UNC13B: variants seen among roughly 807,000 people sequenced by gnomAD.
UNC13B encodes protein unc-13 homolog B.
UNC13B carries 144 observed loss-of-function variants against 211.0 expected under a neutral mutation model. The ratio of observed to expected loss-of-function variants is 0.68; its 90% CI spans 0.60 to 0.78. The LOEUF is 0.78. UNC13B is among the 30% of genes least tolerant of loss of function. The pLI is 0.00. For missense variants in UNC13B, 1,777 were observed against 2,002.0 expected, an observed-to-expected ratio of 0.89 and a Z score of 2.14; for synonymous variants, 709 against 725.8, an observed-to-expected ratio of 0.98 and a Z score of 0.37.
intron 5 of UNC13B, among the ~76,000 whole-genome samples, chr9:35,240,145 A>G (rs1825728429): frequency 6.6e-6 from 1 of 152,164 alleles, no homozygotes; most frequent in South Asian, 2.1e-4. Flanking sequence ...AAAAGTATTA[A>G]TTTGGGGAAC....
chr9:35,234,116 T>G (rs1276329737), intron 3 of UNC13B, among the ~76,000 whole-genome samples: 2 of 152,166 alleles, frequency 1.3e-5, no homozygotes, highest in Non-Finnish European at 2.9e-5. Flanking sequence ...AGCAAATTTC[T>G]TTTTTTCTTT....
chr9:35,306,320 T>C lies in UNC13B; in HGVS notation c.6916T>C (p.Cys2306Arg), dbSNP rs1829921782. ...AGATGAGCTCAGTGTAGACAAGGAC[T>C]GTCAGGAAAAACTGAGTTCCAATAT... ...LADELSVDKD[C>R]QEKLSSNIVP... The change falls in exon 9 of 40, where the codon TGT (cysteine) becomes CGT (arginine). Residue 2306 changes from cysteine (C) to arginine (R), a missense_variant. Physicochemically the swap from Cys to Arg is radical, Grantham distance 180. Transcript: ENST00000635942. 1 of 398,872 alleles carries C rather than the reference T, an allele frequency of 2.5e-6. No homozygotes were observed. 24.7% of individuals were successfully genotyped at this position (398,872 alleles called of 1,614,324 possible). A position where few individuals can be genotyped will look rare whatever the true frequency, so the allele number is the denominator to read the frequency against.
chr9:35,232,074 A>T (rs1028619810), intron 3 of UNC13B, among the ~76,000 whole-genome samples: 12 of 151,456 alleles, frequency 7.9e-5, no homozygotes, highest in Admixed American at 2.0e-4. Flanking sequence ...ACTGAACTGA[A>T]ATCGATTTGC....
At chr9:35,177,767 G>A (rs1459524988) in intron 1 of UNC13B, among the ~76,000 whole-genome samples, 1 of 152,148 alleles carries the variant, frequency 6.6e-6, no homozygotes, top group East Asian at 1.9e-4. Flanking sequence ...AAGAAATTGA[G>A]GGCAAAGAAA....
At chr9:35,254,613 A>AT (rs570176029) in intron 6 of UNC13B, among the ~76,000 whole-genome samples, 56 of 151,792 alleles carry the variant, frequency 3.7e-4, no homozygotes, top group Middle Eastern at 6.9e-3. Context: ...CTTTTGTTAG[A>AT]TTTTTTTCCC....
chr9:35,396,482 A>G lies in UNC13B; in HGVS notation c.11315A>G (p.Glu3772Gly). ...CCTTTCTCCCTACCACTAGAGCATG[A>G]GAAAGACCACCTGTGTAAAAGTGCT... Reference protein sequence around the residue: ...QDMKYALEEHEKDHLCKSADY... With the variant: ...QDMKYALEEHGKDHLCKSADY... The change falls in exon 27 of 40, where the codon GAG becomes GGG. Residue 3772 changes from glutamate to glycine, a missense_variant. Glu to Gly is a moderately conservative substitution (Grantham distance 98, BLOSUM62 -2). Transcript: ENST00000635942. 1.2e-6 allele frequency: 2 copies of G among 1,614,126 alleles called. No individual in the cohort carries two copies. Among genetic ancestry groups the G allele is most frequent in the Non-Finnish European group, 1.7e-6 (2 of 1,180,030 alleles).
In UNC13B at chr9:35,398,634, T is replaced by C; in HGVS notation, c.11913T>C (p.Phe3971=). The change falls in exon 32 of 40, where the codon TTT becomes TTC. Residue 3971 remains phenylalanine, a synonymous_variant. Coordinates refer to ENST00000635942, the MANE Select transcript of UNC13B (RefSeq NM_001371189.2). The part of the protein sequence containing the change: ...NTVLDELSMV[F]GNSFQVRIDE... Reference sequence around the variant, plus strand: ...TTCTGGATGAGCTCAGCATGGTGTTTGGAAACAGGTCAGTGACCCCACAAT... The same window carrying C: ...TTCTGGATGAGCTCAGCATGGTGTTCGGAAACAGGTCAGTGACCCCACAAT... 9 of 1,613,928 alleles carry C rather than the reference T, an allele frequency of 5.6e-6. No homozygotes were observed. The highest frequency in any genetic ancestry group is 7.6e-6 in the Non-Finnish European group (9 of 1,180,002).
At chr9:35,204,181 T>C (rs913883688) in intron 1 of UNC13B, among the ~76,000 whole-genome samples, 6 of 152,220 alleles carry the variant, frequency 3.9e-5, no homozygotes, top group African/African-American at 1.4e-4. Flanking sequence ...GTTAAGCCTG[T>C]GGATGCACAG....
intron 11 of UNC13B, among the ~76,000 whole-genome samples, chr9:35,321,809 A>C (rs905972861): frequency 6.6e-6 from 1 of 151,950 alleles, no homozygotes; most frequent in African/African-American, 2.4e-5. Context: ...CTTCAGGGGT[A>C]TATATATATT....
intron 11 of UNC13B, among the ~76,000 whole-genome samples, chr9:35,358,524 C>T (rs1278246945): frequency 1.3e-5 from 2 of 152,036 alleles, no homozygotes; most frequent in Non-Finnish European, 2.9e-5. Flanking sequence ...AAGTAGAGCA[C>T]AAAAGTTTTA....
chr9:35,310,915 CTG>C, intron 10 of UNC13B, 134 bp downstream of exon 10: 1 of 763,760 alleles, frequency 1.3e-6, no homozygotes, highest in East Asian at 2.7e-5. Context: ...AGGCTCAACT[CTG>C]TATTGCTTCC....
At chr9:35,364,643 GTGTA>G in intron 11 of UNC13B, 2 of 1,442,450 alleles carry the variant, frequency 1.4e-6, no homozygotes, top group Non-Finnish European at 1.9e-6. Context: ...GTATGTGTGT[GTGTA>G]TGTGTGTGTG....
chr9:35,365,522 C>G (rs1006827688), intron 11 of UNC13B, among the ~76,000 whole-genome samples: 1 of 152,296 alleles, frequency 6.6e-6, no homozygotes, highest in East Asian at 1.9e-4. Flanking sequence ...AGTACGGTGG[C>G]TATTTCCAGA....
At position 35,381,577 on chromosome 9, in the gene UNC13B, G is replaced by T. The variant is rs968615917; in HGVS notation, c.10513G>T (p.Asp3505Tyr). The part of the protein sequence containing the change: ...LHENLFHYLT[D>Y]IQGSGGVRIP... The stretch of plus-strand genomic sequence containing the variant: ...GCAGAATCTTTTCCATTACCTCACA[G>T]ACATTCAGGGCAGTGGAGGAGTCCG... Residue 3505 changes from aspartate to tyrosine, a missense_variant, in exon 20 of 40, where the codon GAC (aspartate) becomes TAC (tyrosine). Transcript: ENST00000635942. The T allele has an allele frequency of 5.6e-6, 9 of 1,613,816 alleles. No individual in the cohort carries two copies. Among genetic ancestry groups the T allele is most frequent in the Non-Finnish European group, 7.6e-6 (9 of 1,179,874 alleles).
At chr9:35,219,766 A>G (rs1824469735) in intron 1 of UNC13B, among the ~76,000 whole-genome samples, 2 of 152,226 alleles carry the variant, frequency 1.3e-5, no homozygotes, top group African/African-American at 2.4e-5. Context: ...AAGATTAAAA[A>G]AATGGTGTAC....
In UNC13B at chr9:35,375,905, G is replaced by C. The variant is rs952177567; in HGVS notation, c.9616-123G>C. On this transcript the variant is annotated intron_variant, in intron 14 of 39. Transcript: ENST00000635942. ...CAAGGCAGGAGAATTGCTTGAACCT[G>C]GGAGGTGGAGGTTGCAATGAGCCGA... 5 of 902,374 alleles carry C rather than the reference G, an allele frequency of 5.5e-6. No individual in the cohort carries two copies. In the East Asian group the frequency reaches 1.3e-4, roughly 23 times the overall value. 55.9% of individuals were successfully genotyped at this position (902,374 alleles called of 1,614,324 possible). A position where few individuals can be genotyped will look rare whatever the true frequency, so the allele number is the denominator to read the frequency against.
At chr9:35,390,466 C>T (rs1835462298) in intron 25 of UNC13B, among the ~76,000 whole-genome samples, 163 bp from the exon 26 acceptor site, 2 of 152,274 alleles carry the variant, frequency 1.3e-5, no homozygotes, top group Admixed American at 1.3e-4. Context: ...GCCACTGGCC[C>T]CTGGCCCCTG....
Position 35,381,559 on chromosome 9 carries a change from C to T in UNC13B, c.10495C>T (p.Leu3499Phe), listed in dbSNP as rs776593147. The T allele has an allele frequency of 3.5e-5, 56 of 1,612,912 alleles. No homozygotes were observed. In the South Asian group the frequency reaches 5.7e-4, roughly 16 times the overall value. ...TTCTCTGCTCTGTCTCCTGCAGAAT[C>T]TTTTCCATTACCTCACAGACATTCA... ...HVQYTCLHEN[L>F]FHYLTDIQGS... The change falls in exon 20 of 40, where the codon CTT (leucine) becomes TTT (phenylalanine). Residue 3499 changes from leucine (L) to phenylalanine (F), a missense_variant. Physicochemically the swap from Leu to Phe is conservative, Grantham distance 22. Coordinates refer to ENST00000635942, the MANE Select transcript of UNC13B (RefSeq NM_001371189.2).
intron 7 of UNC13B, among the ~76,000 whole-genome samples, chr9:35,285,755 T>G (rs1828755166): frequency 6.6e-6 from 1 of 152,192 alleles, no homozygotes; most frequent in Admixed American, 6.6e-5. Flanking sequence ...TCAGAATAAT[T>G]CTGTAATCTC....
Sources: allele counts gnomAD v4.1 joint callset (sites outside exome capture counted in the v4.1 genomes callset), GRCh38; gene constraint gnomAD v4.1.1; transcripts MANE v1.5; gene names NCBI Gene and HGNC (gene_info 2026-07-23, HGNC 2026-07-21).